Variants in INTS3 observed in about 807,000 individuals in gnomAD.
The protein encoded by INTS3 is SOSS complex subunit A.
A neutral mutation model predicts 146.3 loss-of-function variants in INTS3; 34 were observed. That is an observed-to-expected ratio of 0.23 (90% CI 0.18 to 0.31). The LOEUF (loss-of-function observed/expected upper bound fraction) is 0.31. Ranked by LOEUF, INTS3 falls within the 10% of genes least tolerant of loss-of-function variation. The pLI is 1.00. For synonymous variants in INTS3, 475 were observed against 494.9 expected (o/e 0.96, Z 0.53); for missense variants, 757 against 1,304.2 (o/e 0.58, Z 6.46).
At chr1:153,761,548 C>T (rs1472379229) in intron 13 of INTS3, 22 bp from the exon 14 acceptor site, 10 of 1,527,228 alleles carry the variant, frequency 6.5e-6, no homozygotes, top group Admixed American at 3.4e-5. Context: ...TGATATTGAC[C>T]TTCATCATGT....
intron 3 of INTS3, chr1:153,746,729 G>T: frequency 2.0e-6 from 1 of 494,754 alleles, no homozygotes; most frequent in Non-Finnish European, 3.6e-6. Flanking sequence ...CCTCATTAAA[G>T]GATAACCAGT....
chr1:153,733,593 G>A (rs1272298464), intron 1 of INTS3, among the ~76,000 whole-genome samples: 2 of 151,530 alleles, frequency 1.3e-5, no homozygotes, highest in Non-Finnish European at 2.9e-5. Flanking sequence ...TTCCCATAGG[G>A]AGCAGTATTT....
intron 13 of INTS3, chr1:153,761,314 C>T (rs891490380): frequency 2.0e-6 from 1 of 490,154 alleles, no homozygotes; most frequent in Non-Finnish European, 3.6e-6. Flanking sequence ...AATTTGAGAC[C>T]TGCCTGGCCA....
chr1:153,749,791 C>T lies in INTS3; in HGVS notation c.584+1036C>T, dbSNP rs146189429. 3.2e-3 allele frequency among the ~76,000 whole-genome samples: 485 copies of T among 152,262 alleles called. 1 individual carries two copies. The highest frequency in any genetic ancestry group is 0.01 in the East Asian group (54 of 5,186). Reference sequence around the variant, plus strand: ...TGCCATTCCAGGATTCAGGTAATTTCGTTACCTTTGCTAGCAATCTTTCTA... The same window carrying T: ...TGCCATTCCAGGATTCAGGTAATTTTGTTACCTTTGCTAGCAATCTTTCTA... On this transcript the variant is annotated intron_variant, in intron 6 of 29. Transcript: ENST00000318967.
At chr1:153,762,185 A>T (rs912987995) in intron 14 of INTS3, among the ~76,000 whole-genome samples, 3 of 152,256 alleles carry the variant, frequency 2.0e-5, no homozygotes, top group African/African-American at 7.2e-5. Context: ...ATGGTGGCTC[A>T]TGCCTGTAAT....
intron 8 of INTS3, among the ~76,000 whole-genome samples, chr1:153,753,284 C>T (rs369100089): frequency 2.4e-4 from 37 of 152,124 alleles, no homozygotes; most frequent in East Asian, 1.7e-3. Context: ...TGAGGCCGGG[C>T]GCGGTGGCTC....
intron 1 of INTS3, among the ~76,000 whole-genome samples, chr1:153,730,427 G>A (rs1557983993): frequency 6.6e-6 from 1 of 152,266 alleles, no homozygotes; most frequent in South Asian, 2.1e-4. Context: ...ACTAACACTG[G>A]AGCTCTAGAA....
At chr1:153,748,621 T>G in intron 5 of INTS3, 68 bp from the exon 6 acceptor site, 1 of 1,265,842 alleles carries the variant, frequency 7.9e-7, no homozygotes, top group South Asian at 1.2e-5. Context: ...GCAGAATGGG[T>G]GAAGAGATGT....
intron 21 of INTS3, among the ~76,000 whole-genome samples, chr1:153,768,581 T>C (rs1389411199): frequency 2.0e-5 from 3 of 152,244 alleles, no homozygotes; most frequent in Non-Finnish European, 4.4e-5. Flanking sequence ...TCAGCCACCA[T>C]GGCCAGTCCT....
At chr1:153,732,229 G>A (rs1671094727) in intron 1 of INTS3, among the ~76,000 whole-genome samples, 1 of 151,994 alleles carries the variant, frequency 6.6e-6, no homozygotes, top group African/African-American at 2.4e-5. Context: ...CGCTGGATAG[G>A]TCTCAGGGTT....
In INTS3 at chr1:153,761,815, G is replaced by C. The variant is rs1463254092; in HGVS notation, c.1516+139G>C. Reference sequence around the variant, plus strand: ...GTCCATCACAGTTTTTCCTTCCTCAGTTTATCTTTTTTATTCATTTTTGTG... The same window carrying C: ...GTCCATCACAGTTTTTCCTTCCTCACTTTATCTTTTTTATTCATTTTTGTG... On this transcript the variant is annotated intron_variant, in intron 14 of 29. Coordinates refer to ENST00000318967, the MANE Select transcript of INTS3 (RefSeq NM_023015.5). 9 of 558,768 alleles carry C rather than the reference G, an allele frequency of 1.6e-5. No individual in the cohort carries two copies. In the Admixed American group the frequency reaches 3.0e-4, roughly 19 times the overall value. 34.6% of individuals were successfully genotyped at this position (558,768 alleles called of 1,614,324 possible). A position where few individuals can be genotyped will look rare whatever the true frequency, so the allele number is the denominator to read the frequency against.
At chr1:153,756,755 G>A (rs1477331277) in intron 9 of INTS3, among the ~76,000 whole-genome samples, 1 of 151,512 alleles carries the variant, frequency 6.6e-6, no homozygotes, top group African/African-American at 2.4e-5. Context: ...GACAGAGGTC[G>A]TAGTGAACTG....
intron 8 of INTS3, among the ~76,000 whole-genome samples, chr1:153,753,208 T>C (rs1268308257): frequency 6.6e-6 from 1 of 152,208 alleles, no homozygotes; most frequent in Non-Finnish European, 1.5e-5. Flanking sequence ...TGTTACCTCA[T>C]TTAATCTTCT....
Position 153,772,407 on chromosome 1 carries a change from C to G in INTS3, c.2788C>G (p.Leu930Val). 1 of 1,614,142 alleles carries G rather than the reference C, an allele frequency of 6.2e-7. No homozygotes were observed. The change falls in exon 27 of 30, where the codon CTG (leucine) becomes GTG (valine). Residue 930 changes from leucine to valine, a missense_variant. By Grantham distance (32) the Leu-to-Val change is conservative. Around this residue, in one of 8 missense-constraint regions of INTS3, gnomAD observed 125 missense variants for 165.6 expected, o/e 0.75. Transcript: ENST00000318967. This position sits in a 1 kb window ranked among gnomAD's most constrained non-coding sequence, Gnocchi z 4.6. ...LEQILEHLDN[L>V]RLNLTNTKQN... Reference sequence around the variant, plus strand: ...GCAGATCCTGGAGCACTTGGACAATCTGCGGCTCAACCTGACCAACACCAA... The same window carrying G: ...GCAGATCCTGGAGCACTTGGACAATGTGCGGCTCAACCTGACCAACACCAA...
chr1:153,747,496 ATCT>A (rs1671794202), intron 5 of INTS3, 133 bp downstream of exon 5: 1 of 711,480 alleles, frequency 1.4e-6, no homozygotes, highest in Admixed American at 2.2e-5. Context: ...TGATACAGAC[ATCT>A]TCTGGCCACA....
In INTS3 at chr1:153,757,289, A is replaced by T. The variant is rs1343809223; in HGVS notation, c.958-283A>T. 6.6e-6 allele frequency among the ~76,000 whole-genome samples: 1 copy of T among 152,208 alleles called. No homozygotes were observed. The highest frequency in any genetic ancestry group is 2.4e-5 in the African/African-American group (1 of 41,444). On this transcript the variant is annotated intron_variant, in intron 9 of 29. Transcript: ENST00000318967. The surrounding 1 kb of genome is among the most constrained non-coding windows in gnomAD (Gnocchi z 4.0). ...CCAGTGCAAGGAGTAAAGAGCCAAA[A>T]ACTGGACTGAAGTTGCAGTTGGGGG...
At chr1:153,761,781 C>G (rs181068651) in intron 14 of INTS3, 105 bp downstream of exon 14, 2 of 648,368 alleles carry the variant, frequency 3.1e-6, no homozygotes, top group Non-Finnish European at 5.5e-6. Context: ...TCTCCACTTC[C>G]GTGACACTGT....
Position 153,770,194 on chromosome 1 carries a change from C to G in INTS3, c.2390-4C>G. ...GAGAGAGATGTTTCTTTTGTCTCTT[C>G]CAGTTCAGAGCCTAGACTGGGAGAC... On this transcript the variant is annotated splice_region_variant and splice_polypyrimidine_tract_variant and intron_variant, in intron 23 of 29. Coordinates refer to ENST00000318967, the MANE Select transcript of INTS3 (RefSeq NM_023015.5). 1 of 1,569,052 alleles carries G rather than the reference C, an allele frequency of 6.4e-7. No individual in the cohort carries two copies. Among genetic ancestry groups the G allele is most frequent in the African/African-American group, 1.4e-5 (1 of 73,350 alleles).
Position 153,771,835 on chromosome 1 carries a change from C to T in INTS3, c.2592C>T (p.Pro864=). Residue 864 remains proline (P), a synonymous_variant, in exon 26 of 30, where the codon CCC becomes CCT. Coordinates refer to ENST00000318967, the MANE Select transcript of INTS3 (RefSeq NM_023015.5). ...EEMVKMVLSR[P]CHPDDQFTTS... ...TGGTGAAGATGGTGCTGAGCCGGCCCTGCCATCCTGACGACCAGTTCACCA... is the reference window on the plus strand; with the variant it reads ...TGGTGAAGATGGTGCTGAGCCGGCCTTGCCATCCTGACGACCAGTTCACCA... 2 of 1,614,010 alleles carry T rather than the reference C, an allele frequency of 1.2e-6. No individual in the cohort carries two copies. Among genetic ancestry groups the T allele is most frequent in the African/African-American group, 1.3e-5 (1 of 75,050 alleles).
Sources: gnomAD v4.1 joint callset for allele counts (sites outside exome capture counted in the v4.1 genomes callset) on GRCh38, gnomAD v4.1.1 for gene constraint, gnomAD v4.1.1 regional missense constraint, Gnocchi (gnomAD v3.1) non-coding constraint, MANE v1.5 for transcripts, NCBI Gene and HGNC (gene_info 2026-07-23, HGNC 2026-07-21) for gene names.